Variants in RELA observed in about 807,000 individuals in gnomAD.
The protein encoded by RELA is RELA proto-oncogene, NF-kB subunit, also known as transcription factor p65.
A neutral mutation model predicts 56.7 loss-of-function variants in RELA; 14 were observed. The observed-to-expected ratio is 0.25, with a 90% confidence interval of 0.16 to 0.39. The LOEUF is 0.39. Ranked by LOEUF, RELA falls within the 10% of genes least tolerant of loss-of-function variation. The pLI, the probability that RELA is intolerant of heterozygous loss-of-function variation, is 1.00. For missense variants in RELA, 559 were observed against 736.4 expected (o/e 0.76, Z 2.79); for synonymous variants, 315 against 289.7 (o/e 1.09, Z -0.89).
At position 65,658,775 on chromosome 11, in the gene RELA, A is replaced by T; in HGVS notation, c.607T>A (p.Ser203Thr). 1 of 1,614,000 alleles carries T rather than the reference A, an allele frequency of 6.2e-7. No individual in the cohort carries two copies. The highest frequency in any genetic ancestry group is 8.5e-7 in the Non-Finnish European group (1 of 1,179,998). The change falls in exon 7 of 11, where the codon TCT becomes ACT. Residue 203 changes from serine (S) to threonine (T), a missense_variant. Physicochemically the swap from Ser to Thr is moderately conservative, Grantham distance 58 (BLOSUM62 1). Transcript: ENST00000406246. The surrounding 1 kb of genome is among the most constrained non-coding windows in gnomAD (Gnocchi z 4.5). ...ELKICRVNRN[S>T]GSCLGGDEIF... ...TCATCCCCACCGAGGCAGCTGCCAG[A>T]GTTTCGGTTCACTCGGCAGATCTTG...
intron 6 of RELA, 50 bp downstream of exon 6, chr11:65,659,616 T>C (rs760237930): frequency 2.0e-5 from 32 of 1,609,124 alleles, no homozygotes; most frequent in Non-Finnish European, 2.7e-5. Context: ...ACCCCCTTCC[T>C]CCTATTCAGG....
rs532302393 is a variant in RELA at position 65,658,767 on chromosome 11, G to A, written c.615C>T (p.Ser205=). 2.9e-5 allele frequency: 47 copies of A among 1,614,166 alleles called. No individual in the cohort carries two copies. The East Asian group carries it at 7.8e-4, about 27-fold the overall frequency. ...GGAAGATCTCATCCCCACCGAGGCA[G>A]CTGCCAGAGTTTCGGTTCACTCGGC... ...KICRVNRNSG[S]CLGGDEIFLL... is the part of the protein sequence containing the mutation. Residue 205 remains serine, a synonymous_variant, in exon 7 of 11, where the codon AGC becomes AGT. Coordinates refer to ENST00000406246, the MANE Select transcript of RELA (RefSeq NM_021975.4). This position sits in a 1 kb window ranked among gnomAD's most constrained non-coding sequence, Gnocchi z 4.5.
chr11:65,661,670 G>A lies in RELA; in HGVS notation c.335+17C>T, dbSNP rs376389395. 88 of 1,561,512 alleles carry A rather than the reference G, an allele frequency of 5.6e-5. No individual in the cohort carries two copies. The highest frequency in any genetic ancestry group is 7.2e-5 in the Non-Finnish European group (83 of 1,150,274). Reference sequence around the variant, plus strand: ...CTGTCCCCTCATGCTGGGCCTCCTAGCCTGCAGGGACCTCACCTGTGGATG... The same window carrying A: ...CTGTCCCCTCATGCTGGGCCTCCTAACCTGCAGGGACCTCACCTGTGGATG... On this transcript the variant is annotated intron_variant, in intron 4 of 10. Transcript: ENST00000406246.
intron 4 of RELA, 182 bp downstream of exon 4, chr11:65,661,505 C>T: frequency 1.8e-6 from 1 of 563,250 alleles, no homozygotes; most frequent in Non-Finnish European, 3.1e-6. Context: ...TGGAACTCAT[C>T]TGCTAGAGTA....
intron 8 of RELA, among the ~76,000 whole-genome samples, chr11:65,657,034 C>CA (rs1000142733): frequency 6.6e-6 from 1 of 151,608 alleles, no homozygotes; most frequent in Non-Finnish European, 1.5e-5. Flanking sequence ...CTCAAACAAA[C>CA]AAACAAAACC....
chr11:65,663,041 G>T (rs1329840883), upstream of RELA: 3 of 279,252 alleles, frequency 1.1e-5, no homozygotes, highest in East Asian at 1.4e-4. Context: ...GAGGCTGCAC[G>T]CACAGCCGCT....
At chr11:65,660,424 G>A (rs1327154089) in intron 4 of RELA, 5 of 594,450 alleles carry the variant, frequency 8.4e-6, no homozygotes, top group African/African-American at 1.9e-5. Context: ...CAGCCTCCCT[G>A]TGGGCTCCCT....
chr11:65,662,232 G>A (rs1274387378), intron 1 of RELA, 27 bp from the exon 2 acceptor site: 3 of 1,534,314 alleles, frequency 2.0e-6, no homozygotes, highest in Non-Finnish European at 2.6e-6. Context: ...ATCAGGGTCA[G>A]CACACACCCA....
Position 65,654,896 on chromosome 11 carries a change from C to CCAAGGCCGAGGCCTGGCT in RELA, c.1120_1137dup (p.Ser374_Leu379dup). ...GGCAGGACTTGGGGAGGGGCCGGGGCCAAGGCCGAGGCCTGGCTGATCTGC... is the reference window on the plus strand; with the variant it reads ...GGCAGGACTTGGGGAGGGGCCGGGGCCAAGGCCGAGGCCTGGCTCAAGGCCGAGGCCTGGCTGATCTGC... On this transcript the variant is annotated inframe_insertion, in exon 11 of 11. Coordinates refer to ENST00000406246, the MANE Select transcript of RELA (RefSeq NM_021975.4). 6.3e-7 allele frequency: 1 copy of CCAAGGCCGAGGCCTGGCT among 1,587,546 alleles called. No homozygotes were observed. Among genetic ancestry groups the CCAAGGCCGAGGCCTGGCT allele is most frequent in the Non-Finnish European group, 8.6e-7 (1 of 1,167,024 alleles).
At position 65,658,921 on chromosome 11, in the gene RELA, T is replaced by C; in HGVS notation, c.560-99A>G. On this transcript the variant is annotated intron_variant, in intron 6 of 10. Transcript: ENST00000406246. The surrounding 1 kb of genome is among the most constrained non-coding windows in gnomAD (Gnocchi z 4.5). Reference sequence around the variant, plus strand: ...TTCCCTGCCCAGCCCAGAGTCAAGGTTGCCCAGAGCTTGCCACCTACACCT... The same window carrying C: ...TTCCCTGCCCAGCCCAGAGTCAAGGCTGCCCAGAGCTTGCCACCTACACCT... 1 of 997,324 alleles carries C rather than the reference T, an allele frequency of 1.0e-6. No individual in the cohort carries two copies. The highest frequency in any genetic ancestry group is 1.3e-5 in the South Asian group (1 of 77,238). The allele number at this position is 997,324 out of a possible 1,614,324, so 61.8% of individuals were successfully genotyped here. A position where few individuals can be genotyped will look rare whatever the true frequency, so the allele number is the denominator to read the frequency against.
chr11:65,656,817 G>T (rs1295042599), intron 8 of RELA, among the ~76,000 whole-genome samples: 1 of 152,154 alleles, frequency 6.6e-6, no homozygotes, highest in Non-Finnish European at 1.5e-5. Context: ...GAGGTCAAGA[G>T]ATCGAGACCA....
chr11:65,660,591 G>C, intron 4 of RELA: 1 of 239,416 alleles, frequency 4.2e-6, no homozygotes, highest in Non-Finnish European at 8.2e-6. Context: ...GGCCTTCCCT[G>C]ACCTCCCAAT....
intron 8 of RELA, 88 bp from the exon 9 acceptor site, chr11:65,656,023 GC>G: frequency 8.9e-7 from 1 of 1,126,298 alleles, no homozygotes; most frequent in Non-Finnish European, 1.3e-6. Context: ...AAGGGGAGGA[GC>G]CAGGCTTTCC....
In RELA at chr11:65,661,840, C is replaced by A. The variant is rs747814745; in HGVS notation, c.187-5G>T. The A allele has an allele frequency of 5.0e-6, 8 of 1,607,866 alleles. 1 individual carries two copies. In the South Asian group the frequency reaches 8.8e-5, roughly 18 times the overall value. On this transcript the variant is annotated splice_polypyrimidine_tract_variant and splice_region_variant and intron_variant, in intron 3 of 10. Coordinates refer to ENST00000406246, the MANE Select transcript of RELA (RefSeq NM_021975.4). Reference sequence around the variant, plus strand: ...TGGTCCTGTGTAGCCATTGATCTGTCCAAAGTACAGAGGCCCAGACATCCA... The same window carrying A: ...TGGTCCTGTGTAGCCATTGATCTGTACAAAGTACAGAGGCCCAGACATCCA...
intron 8 of RELA, among the ~76,000 whole-genome samples, chr11:65,657,705 C>T (rs142001304): frequency 3.1e-3 from 469 of 152,346 alleles, no homozygotes; most frequent in African/African-American, 0.011. Flanking sequence ...ACTGTGCCCC[C>T]GTGCTTCTCT....
intron 1 of RELA, chr11:65,662,435 T>TCAGG: frequency 5.6e-6 from 3 of 532,786 alleles, no homozygotes; most frequent in Middle Eastern, 9.7e-4. Flanking sequence ...GGAAGCTGAA[T>TCAGG]CAGGGCCTGT....
In RELA at chr11:65,658,271, C is replaced by T; in HGVS notation, c.877+16G>A. The T allele has an allele frequency of 2.6e-6, 4 of 1,562,130 alleles. No individual in the cohort carries two copies. The highest frequency in any genetic ancestry group is 2.1e-4 in the Middle Eastern group (1 of 4,732). On this transcript the variant is annotated intron_variant, in intron 8 of 10. Coordinates refer to ENST00000406246, the MANE Select transcript of RELA (RefSeq NM_021975.4). This position sits in a 1 kb window ranked among gnomAD's most constrained non-coding sequence, Gnocchi z 4.5. The stretch of plus-strand genomic sequence containing the variant: ...CAGAGCCCAGCTGCCCTGATGCTGC[C>T]ACCCCAGCTGTGTACCTGTATCTGG...
intron 4 of RELA, 70 bp downstream of exon 4, chr11:65,661,617 C>G: frequency 2.1e-6 from 3 of 1,431,572 alleles, no homozygotes; most frequent in Middle Eastern, 1.9e-4. Context: ...AGGAGTAACA[C>G]TGTAGCGGCT....
Position 65,654,273 on chromosome 11 carries a change from A to C in RELA, c.*105T>G, listed in dbSNP as rs1347200874. The C allele has an allele frequency of 9.8e-6, 14 of 1,421,810 alleles. No homozygotes were observed. The Admixed American group carries it at 1.2e-4, about 12-fold the overall frequency. The allele number at this position is 1,421,810 out of a possible 1,614,324, so 88.1% of individuals were successfully genotyped here. On this transcript the variant is annotated 3_prime_UTR_variant, in exon 11 of 11. Coordinates refer to ENST00000406246, the MANE Select transcript of RELA (RefSeq NM_021975.4). Reference sequence around the variant, plus strand: ...TCCCCCCTCCAAGGAAGACATCCACAAAGTTGGGGGCAGTTGGAACACACC... The same window carrying C: ...TCCCCCCTCCAAGGAAGACATCCACCAAGTTGGGGGCAGTTGGAACACACC...
Sources: allele counts gnomAD v4.1 joint callset (sites outside exome capture counted in the v4.1 genomes callset), GRCh38; gene constraint gnomAD v4.1.1; non-coding constraint Gnocchi (gnomAD v3.1); transcripts MANE v1.5; gene names NCBI Gene and HGNC (gene_info 2026-07-23, HGNC 2026-07-21).